Variants in KMT2A observed in about 807,000 individuals in gnomAD.
KMT2A encodes histone-lysine N-methyltransferase 2A.
KMT2A carries 16 observed loss-of-function variants against 345.3 expected under a neutral mutation model. The ratio of observed to expected loss-of-function variants is 0.05; its 90% CI spans 0.03 to 0.07. The LOEUF is 0.07. KMT2A is among the 10% of genes least tolerant of loss of function. The probability of loss-of-function intolerance (pLI) is 1.00; values close to 1 mark genes in which losing one functional copy is unlikely to be tolerated. For synonymous variants in KMT2A, 1,599 were observed against 1,778.6 expected (o/e 0.90, Z 2.54); for missense variants, 3,272 against 4,841.6 (o/e 0.68, Z 9.62).
At chr11:118,446,883 A>G (rs1369956094) in intron 1 of KMT2A, among the ~76,000 whole-genome samples, 4 of 152,204 alleles carry the variant, frequency 2.6e-5, no homozygotes, top group African/African-American at 9.7e-5. Flanking sequence ...CTGTATTTCT[A>G]AATTTTGAAC....
In KMT2A at chr11:118,498,787, G is replaced by A. The variant is rs1950451666; in HGVS notation, c.5961+259G>A. On this transcript the variant is annotated intron_variant, in intron 22 of 35. Transcript: ENST00000534358. This position sits in a 1 kb window ranked among gnomAD's most constrained non-coding sequence, Gnocchi z 4.4. ...ATTCACTCTTGGTGTTGTACATTCTGTGGGTTTGGACAAATGTATAATGAT... is the reference window on the plus strand; with the variant it reads ...ATTCACTCTTGGTGTTGTACATTCTATGGGTTTGGACAAATGTATAATGAT... 6.6e-6 allele frequency among the ~76,000 whole-genome samples: 1 copy of A among 152,138 alleles called. No homozygotes were observed. The highest frequency in any genetic ancestry group is 1.5e-5 in the Non-Finnish European group (1 of 68,030).
Position 118,488,643 on chromosome 11 carries a change from C to A in KMT2A, c.4362C>A (p.Pro1454=). The change falls in exon 11 of 36, where the codon CCC becomes CCA. Residue 1454 remains proline (P), a synonymous_variant. Transcript: ENST00000534358. ...EFVYCQVCCE[P]FHKFCLEENE... is the part of the protein sequence containing the mutation. ...TGTATTGCCAAGTCTGTTGTGAGCC[C>A]TTCCACAAGTTTTGTTTAGAGGAGA... 6.2e-7 allele frequency: 1 copy of A among 1,613,956 alleles called. No homozygotes were observed. The highest frequency in any genetic ancestry group is 1.3e-5 in the African/African-American group (1 of 75,032).
At chr11:118,489,386 C>G (rs1950288994) in intron 11 of KMT2A, among the ~76,000 whole-genome samples, 2 of 152,130 alleles carry the variant, frequency 1.3e-5, no homozygotes, top group Non-Finnish European at 1.5e-5. Context: ...GATGACTGTG[C>G]TTAGAGTATT....
Position 118,436,695 on chromosome 11 carries a change from G to A in KMT2A, c.183G>A (p.Ala61=). The change falls in exon 1 of 36, where the codon GCG becomes GCA. Residue 61 remains alanine (A), a synonymous_variant. Coordinates refer to ENST00000534358, the MANE Select transcript of KMT2A (RefSeq NM_001197104.2). This position sits in a 1 kb window ranked among gnomAD's most constrained non-coding sequence, Gnocchi z 6.9. ...CGCCCCCCTCCCCCCCGGCTGTGGC[G>A]GCCGCGGCGGCGGCGGCGGGAAGCA... ...PGAPPSPPAV[A]AAAAAAGSSG... The A allele has an allele frequency of 7.6e-7, 1 of 1,312,316 alleles. No homozygotes were observed. The highest frequency in any genetic ancestry group is 9.7e-7 in the Non-Finnish European group (1 of 1,027,332). 81.3% of individuals were successfully genotyped at this position (1,312,316 alleles called of 1,614,324 possible).
Position 118,507,468 on chromosome 11 carries a change from CACAT to C in KMT2A, c.10755-60_10755-57del. 3 of 1,438,668 alleles carry C rather than the reference CACAT, an allele frequency of 2.1e-6. No individual in the cohort carries two copies. In the South Asian group the frequency reaches 3.5e-5, roughly 17 times the overall value. 89.1% of individuals were successfully genotyped at this position (1,438,668 alleles called of 1,614,324 possible). A position where few individuals can be genotyped will look rare whatever the true frequency, so the allele number is the denominator to read the frequency against. The stretch of plus-strand genomic sequence containing the variant: ...AGAGCCATTTCTTTCGACTCACCTC[CACAT>C]TCAGTACATATTTACTGGTGGTTTG... On this transcript the variant is annotated intron_variant, in intron 27 of 35. Transcript: ENST00000534358.
Position 118,495,568 on chromosome 11 carries a change from C to A in KMT2A, c.5364-132C>A, listed in dbSNP as rs145803732. The A allele has an allele frequency of 1.8e-6, 1 of 570,550 alleles. No homozygotes were observed. 35.3% of individuals were successfully genotyped at this position (570,550 alleles called of 1,614,324 possible). A position where few individuals can be genotyped will look rare whatever the true frequency, so the allele number is the denominator to read the frequency against. ...TCTGTGTACTTCAGCAATTTTCAAA[C>A]GCTGTGACTTGTTCTTATATTCTGT... On this transcript the variant is annotated intron_variant, in intron 18 of 35. Coordinates refer to ENST00000534358, the MANE Select transcript of KMT2A (RefSeq NM_001197104.2). The surrounding 1 kb of genome is among the most constrained non-coding windows in gnomAD (Gnocchi z 4.1).
In KMT2A at chr11:118,466,798, C is replaced by CA. The variant is rs201886469; in HGVS notation, c.433-1969dup. ...TGGGCGACAGAGCAAGACTCTGCCT[C>CA]AAAAAAAACAAAACAAAACAAAACA... On this transcript the variant is annotated intron_variant, in intron 1 of 35. Transcript: ENST00000534358. Among the ~76,000 whole-genome samples the CA allele has an allele frequency of 2.0e-3, 296 of 149,484 alleles. 2 individuals carry two copies. Among genetic ancestry groups the CA allele is most frequent in the Admixed American group, 0.014 (218 of 15,072 alleles).
At position 118,525,761 on chromosome 11, in the gene KMT2A, T is replaced by C. The variant is rs782802145; in HGVS notation, c.*3589T>C. Reference sequence around the variant, plus strand: ...CAGATGTTAACTTCTAAGTTCGGTTTGGGATTTTTTTTTTTTAATAGAAAT... The same window carrying C: ...CAGATGTTAACTTCTAAGTTCGGTTCGGGATTTTTTTTTTTTAATAGAAAT... On this transcript the variant is annotated 3_prime_UTR_variant, in exon 36 of 36. Coordinates refer to ENST00000534358, the MANE Select transcript of KMT2A (RefSeq NM_001197104.2). The C allele has an allele frequency of 8.8e-6, 2 of 228,534 alleles. No individual in the cohort carries two copies. Among genetic ancestry groups the C allele is most frequent in the African/African-American group, 2.2e-5 (1 of 45,054 alleles). 14.2% of individuals were successfully genotyped at this position (228,534 alleles called of 1,614,324 possible).
Position 118,482,411 on chromosome 11 carries a change from G to A in KMT2A, c.4013-11G>A. On this transcript the variant is annotated splice_polypyrimidine_tract_variant and intron_variant, in intron 7 of 35. Coordinates refer to ENST00000534358, the MANE Select transcript of KMT2A (RefSeq NM_001197104.2). Reference sequence around the variant, plus strand: ...CCAGCATCTGACTGCAATTTATTCTGAATTTTTTAGGTCCAGAGCAGAGCA... The same window carrying A: ...CCAGCATCTGACTGCAATTTATTCTAAATTTTTTAGGTCCAGAGCAGAGCA... The A allele has an allele frequency of 1.3e-6, 2 of 1,599,948 alleles. No individual in the cohort carries two copies. Among genetic ancestry groups the A allele is most frequent in the Non-Finnish European group, 1.7e-6 (2 of 1,173,216 alleles).
chr11:118,506,671 G>A (rs1555048610), intron 27 of KMT2A, 25 bp downstream of exon 27: 2 of 1,553,886 alleles, frequency 1.3e-6, no homozygotes, highest in Admixed American at 3.8e-5. Flanking sequence ...TACTAGCTAG[G>A]CTGGGTCTGT....
rs990908801 is a variant in KMT2A, at chr11:118,491,880, A to G, written c.4956A>G (p.Thr1652=). Residue 1652 remains threonine, a synonymous_variant, in exon 15 of 36, where the codon ACA becomes ACG. Coordinates refer to ENST00000534358, the MANE Select transcript of KMT2A (RefSeq NM_001197104.2). The surrounding 1 kb of genome is among the most constrained non-coding windows in gnomAD (Gnocchi z 4.2). ...AGATTTCTCTGAAGCAAGTTCTGAC[A>G]GCTTTGTTGAATTCTCGGACTACCA... ...ELQISLKQVL[T]ALLNSRTTSH... is the part of the protein sequence containing the mutation. 1.2e-6 allele frequency: 2 copies of G among 1,613,966 alleles called. No homozygotes were observed. The highest frequency in any genetic ancestry group is 1.3e-5 in the African/African-American group (1 of 75,054).
rs781816490 is a variant in KMT2A at position 118,471,912 on chromosome 11, T to C, written c.753T>C (p.Asp251=). ...ISELPKGNKE[D]SLKKIKRTPS... is the part of the protein sequence containing the mutation. ...AGTTACCAAAGGGAAACAAAGAAGA[T>C]AGCCTGAAAAAAATTAAAAGGACAC... Residue 251 remains aspartate, a synonymous_variant, in exon 3 of 36, where the codon GAT becomes GAC. Coordinates refer to ENST00000534358, the MANE Select transcript of KMT2A (RefSeq NM_001197104.2). 3 of 1,613,708 alleles carry C rather than the reference T, an allele frequency of 1.9e-6. No homozygotes were observed. Among genetic ancestry groups the C allele is most frequent in the Non-Finnish European group, 1.7e-6 (2 of 1,179,926 alleles).
chr11:118,510,207 CTGTTT>C lies in KMT2A; in HGVS notation c.11071+91_11071+95del, dbSNP rs1950658934. 3 of 1,022,734 alleles carry C rather than the reference CTGTTT, an allele frequency of 2.9e-6. No individual in the cohort carries two copies. The highest frequency in any genetic ancestry group is 4.3e-6 in the Non-Finnish European group (3 of 704,714). 63.4% of individuals were successfully genotyped at this position (1,022,734 alleles called of 1,614,324 possible). A position where few individuals can be genotyped will look rare whatever the true frequency, so the allele number is the denominator to read the frequency against. ...CTGAGTATTAGCACCATTTAGGTGG[CTGTTT>C]TATGCTAGATGGTAGGGGGATACCT... On this transcript the variant is annotated intron_variant, in intron 30 of 35. Transcript: ENST00000534358. This position sits in a 1 kb window ranked among gnomAD's most constrained non-coding sequence, Gnocchi z 4.1.
Position 118,496,118 on chromosome 11 carries a change from T to G in KMT2A, c.5558-143T>G. ...AACATAGATGATGAGGTAGCGTAACTCTGAACACTTTTTGAAAAGTGGTTA... is the reference window on the plus strand; with the variant it reads ...AACATAGATGATGAGGTAGCGTAACGCTGAACACTTTTTGAAAAGTGGTTA... On this transcript the variant is annotated intron_variant, in intron 19 of 35. Coordinates refer to ENST00000534358, the MANE Select transcript of KMT2A (RefSeq NM_001197104.2). The surrounding 1 kb of genome is among the most constrained non-coding windows in gnomAD (Gnocchi z 4.7). 1.4e-6 allele frequency: 1 copy of G among 724,964 alleles called. No homozygotes were observed. The highest frequency in any genetic ancestry group is 2.3e-6 in the Non-Finnish European group (1 of 427,308). The allele number at this position is 724,964 out of a possible 1,614,324, so 44.9% of individuals were successfully genotyped here. A position where few individuals can be genotyped will look rare whatever the true frequency, so the allele number is the denominator to read the frequency against.
Position 118,436,709 on chromosome 11 carries a change from C to A in KMT2A, c.197C>A (p.Ala66Glu). Reference protein sequence around the residue: ...SPPAVAAAAAAAGSSGAGVPG... With the variant: ...SPPAVAAAAAEAGSSGAGVPG... The stretch of plus-strand genomic sequence containing the variant: ...CCGGCTGTGGCGGCCGCGGCGGCGG[C>A]GGCGGGAAGCAGCGGGGCTGGGGTT... The change falls in exon 1 of 36, where the codon GCG (alanine) becomes GAG (glutamate). Residue 66 changes from alanine (A) to glutamate (E), a missense_variant. Coordinates refer to ENST00000534358, the MANE Select transcript of KMT2A (RefSeq NM_001197104.2). This position sits in a 1 kb window ranked among gnomAD's most constrained non-coding sequence, Gnocchi z 6.9. 7.3e-7 allele frequency: 1 copy of A among 1,363,808 alleles called. No individual in the cohort carries two copies. Among genetic ancestry groups the A allele is most frequent in the South Asian group, 2.1e-5 (1 of 47,690 alleles). The allele number at this position is 1,363,808 out of a possible 1,614,324, so 84.5% of individuals were successfully genotyped here.
chr11:118,463,136 T>C (rs1293405750), intron 1 of KMT2A, among the ~76,000 whole-genome samples: 1 of 150,314 alleles, frequency 6.7e-6, no homozygotes. Context: ...TTTTTTTTTT[T>C]AAATAAAGAT....
At position 118,518,622 on chromosome 11, in the gene KMT2A, A is replaced by G. The variant is rs1555052327; in HGVS notation, c.11147-996A>G. 2.6e-5 allele frequency among the ~76,000 whole-genome samples: 4 copies of G among 152,004 alleles called. No homozygotes were observed. In the South Asian group the frequency reaches 6.2e-4, roughly 24 times the overall value. ...ATGGTGAAACCTTGTCTCTACTAAA[A>G]ATACAAAAAAATTAGCTGGGCATGG... On this transcript the variant is annotated intron_variant, in intron 31 of 35. Coordinates refer to ENST00000534358, the MANE Select transcript of KMT2A (RefSeq NM_001197104.2).
chr11:118,490,288 G>C lies in KMT2A; in HGVS notation c.4696+39G>C. ...CCAGTTTTGCCAGCTTTCGGAGGTT[G>C]TACTTGGTGTTCTGGAGGTGAACTA... On this transcript the variant is annotated intron_variant, in intron 13 of 35. Coordinates refer to ENST00000534358, the MANE Select transcript of KMT2A (RefSeq NM_001197104.2). The surrounding 1 kb of genome is among the most constrained non-coding windows in gnomAD (Gnocchi z 4.2). 6.6e-7 allele frequency: 1 copy of C among 1,515,436 alleles called. No individual in the cohort carries two copies. Among genetic ancestry groups the C allele is most frequent in the South Asian group, 1.4e-5 (1 of 73,074 alleles). The allele number at this position is 1,515,436 out of a possible 1,614,324, so 93.9% of individuals were successfully genotyped here.
At chr11:118,517,444 C>G (rs1490220378) in intron 31 of KMT2A, among the ~76,000 whole-genome samples, 1 of 151,464 alleles carries the variant, frequency 6.6e-6, no homozygotes, top group Admixed American at 6.6e-5. Context: ...TTGCCATTGC[C>G]TTATATGGCT....
Sources: allele counts gnomAD v4.1 joint callset (sites outside exome capture counted in the v4.1 genomes callset), GRCh38; gene constraint gnomAD v4.1.1; non-coding constraint Gnocchi (gnomAD v3.1); transcripts MANE v1.5; gene names NCBI Gene and HGNC (gene_info 2026-07-23, HGNC 2026-07-21).